The following ADCYAP1R1 variants were observed in gnomAD, a reference collection of about 807,000 sequenced individuals.
ADCYAP1R1 encodes the protein pituitary adenylate cyclase-activating polypeptide type I receptor.
In ADCYAP1R1, 44 loss-of-function variants were observed where a neutral mutation model predicts 67.6. That is an observed-to-expected ratio of 0.65 (90% CI 0.51 to 0.84). The LOEUF is 0.84. Among genes scored for constraint, ADCYAP1R1 ranks in the 40% least tolerant of loss-of-function variants. The pLI, the probability that ADCYAP1R1 is intolerant of heterozygous loss-of-function variation, is 0.00. For missense variants in ADCYAP1R1, 477 were observed against 587.9 expected, an observed-to-expected ratio of 0.81 and a Z score of 1.95; for synonymous variants, 222 against 219.6, an observed-to-expected ratio of 1.01 and a Z score of -0.10.
At chr7:31,074,955 C>T (rs1477858918) in intron 3 of ADCYAP1R1, among the ~76,000 whole-genome samples, 5 of 152,158 alleles carry the variant, frequency 3.3e-5, no homozygotes, top group Non-Finnish European at 5.9e-5. Flanking sequence ...CCAAAATAGC[C>T]GGGTGTGAAT....
rs537996718 is a variant in ADCYAP1R1, at chr7:31,078,234, G to A, written c.265+136G>A. 113 of 630,692 alleles carry A rather than the reference G, an allele frequency of 1.8e-4. 1 individual carries two copies. In the South Asian group the frequency reaches 2.3e-3, roughly 13 times the overall value. 39.1% of individuals were successfully genotyped at this position (630,692 alleles called of 1,614,324 possible). The stretch of plus-strand genomic sequence containing the variant: ...CTCCTGAGCTCACATGTGGTGTGGG[G>A]GATGAAACCACAGACACTTGCACAC... On this transcript the variant is annotated intron_variant, in intron 4 of 15. Transcript: ENST00000304166.
chr7:31,082,173 C>T (rs1002115674), intron 6 of ADCYAP1R1, among the ~76,000 whole-genome samples: 3 of 152,156 alleles, frequency 2.0e-5, no homozygotes, highest in Non-Finnish European at 2.9e-5. Context: ...GTGCTTGTCT[C>T]GCCAGTCTCC....
chr7:31,093,800 C>A (rs1373376326), intron 13 of ADCYAP1R1, among the ~76,000 whole-genome samples: 1 of 152,082 alleles, frequency 6.6e-6, no homozygotes. Context: ...ATGCTGGGGT[C>A]ACAGCATCTA....
In ADCYAP1R1 at chr7:31,085,380, G is replaced by A. The variant is rs374708368; in HGVS notation, c.607G>A (p.Val203Ile). The stretch of plus-strand genomic sequence containing the variant: ...GTCGTTCATGCTGAGGGCGATCTCC[G>A]TCTTCATCAAAGACTGGATTCTGTA... ...FVSFMLRAIS[V>I]FIKDWILYAE... is the part of the protein sequence containing the mutation. The change falls in exon 9 of 16, where the codon GTC (valine) becomes ATC (isoleucine). Residue 203 changes from valine (V) to isoleucine (I), a missense_variant. By Grantham distance (29) the Val-to-Ile change is conservative. Transcript: ENST00000304166. The A allele has an allele frequency of 9.3e-6, 15 of 1,613,934 alleles. No individual in the cohort carries two copies. Among genetic ancestry groups the A allele is most frequent in the East Asian group, 6.7e-5 (3 of 44,892 alleles).
Position 31,086,665 on chromosome 7 carries a change from C to CAGAAG in ADCYAP1R1, c.823+128_823+129insAGAAG. On this transcript the variant is annotated intron_variant, in intron 10 of 15. Coordinates refer to ENST00000304166, the MANE Select transcript of ADCYAP1R1 (RefSeq NM_001118.5). This position sits in a 1 kb window ranked among gnomAD's most constrained non-coding sequence, Gnocchi z 5.0. The stretch of plus-strand genomic sequence containing the variant: ...CACTGCCCTGCCCGAGTCTAATGGC[C>CAGAAG]TAGGCTCTGTCTTGGACTCTTTCTC... 1 of 1,155,338 alleles carries CAGAAG rather than the reference C, an allele frequency of 8.7e-7. No individual in the cohort carries two copies. The highest frequency in any genetic ancestry group is 1.2e-6 in the Non-Finnish European group (1 of 812,510). The allele number at this position is 1,155,338 out of a possible 1,614,324, so 71.6% of individuals were successfully genotyped here.
intron 3 of ADCYAP1R1, among the ~76,000 whole-genome samples, chr7:31,066,235 T>C (rs1794732186): frequency 6.6e-6 from 1 of 152,214 alleles, no homozygotes; most frequent in African/African-American, 2.4e-5. Context: ...GGAACCCAGG[T>C]GTCCTGCTCC....
intron 1 of ADCYAP1R1, among the ~76,000 whole-genome samples, chr7:31,057,454 T>A (rs769491120): frequency 2.0e-5 from 3 of 152,180 alleles, no homozygotes; most frequent in Admixed American, 2.0e-4. Context: ...CGGGCACAGG[T>A]GCCCCAGCCT....
At chr7:31,090,549 T>G (rs76546464) in intron 12 of ADCYAP1R1, among the ~76,000 whole-genome samples, 15,375 of 152,106 alleles carry the variant, frequency 0.1, 1,513 homozygotes, top group African/African-American at 0.26. Context: ...AACAGTTAGT[T>G]TTTCATCCCT....
chr7:31,055,182 A>C (rs1794187730), intron 1 of ADCYAP1R1, among the ~76,000 whole-genome samples: 1 of 152,174 alleles, frequency 6.6e-6, no homozygotes, highest in Non-Finnish European at 1.5e-5. Flanking sequence ...CAATAGTGAC[A>C]AGCAACACCA....
intron 7 of ADCYAP1R1, among the ~76,000 whole-genome samples, 162 bp from the exon 8 acceptor site, chr7:31,084,574 CA>C (rs1562644506): frequency 6.6e-6 from 1 of 152,124 alleles, no homozygotes; most frequent in Non-Finnish European, 1.5e-5. Flanking sequence ...GAGGCTTGGC[CA>C]GGGGTGGGAG....
chr7:31,102,563 C>T lies in ADCYAP1R1; in HGVS notation c.1047-674C>T, dbSNP rs1052615928. ...GCACTGCAGTCCTCCGGCCCTTCCT[C>T]CCCTGCCTGGCCCACTTCAGAGCAT... On this transcript the variant is annotated intron_variant, in intron 13 of 15. Coordinates refer to ENST00000304166, the MANE Select transcript of ADCYAP1R1 (RefSeq NM_001118.5). This position sits in a 1 kb window ranked among gnomAD's most constrained non-coding sequence, Gnocchi z 4.3. Among the ~76,000 whole-genome samples, 2 of 152,212 alleles carry T rather than the reference C, an allele frequency of 1.3e-5. No individual in the cohort carries two copies. Among genetic ancestry groups the T allele is most frequent in the Non-Finnish European group, 2.9e-5 (2 of 68,048 alleles).
intron 3 of ADCYAP1R1, among the ~76,000 whole-genome samples, chr7:31,071,317 T>C (rs1337851535): frequency 6.6e-6 from 1 of 152,190 alleles, no homozygotes; most frequent in African/African-American, 2.4e-5. Context: ...CTGGGCACTT[T>C]ATAAGGTCTT....
intron 3 of ADCYAP1R1, among the ~76,000 whole-genome samples, chr7:31,073,152 C>G (rs1562635700): frequency 6.6e-6 from 1 of 152,196 alleles, no homozygotes; most frequent in Non-Finnish European, 1.5e-5. Flanking sequence ...CTTACAGCAG[C>G]AGTAGGGAAT....
At position 31,085,405 on chromosome 7, in the gene ADCYAP1R1, A is replaced by G; in HGVS notation, c.632A>G (p.Tyr211Cys). The G allele has an allele frequency of 6.2e-7, 1 of 1,613,908 alleles. No homozygotes were observed. Among genetic ancestry groups the G allele is most frequent in the Non-Finnish European group, 8.5e-7 (1 of 1,180,012 alleles). The part of the protein sequence containing the change: ...ISVFIKDWIL[Y>C]AEQDSNHCFI... ...GTCTTCATCAAAGACTGGATTCTGT[A>G]TGCGGAGCAGGACAGCAACCACTGC... Residue 211 changes from tyrosine to cysteine, a missense_variant, in exon 9 of 16, where the codon TAT becomes TGT. Tyr to Cys is a radical substitution (Grantham distance 194). Transcript: ENST00000304166.
At chr7:31,085,942 C>T (rs1236085648) in intron 9 of ADCYAP1R1, among the ~76,000 whole-genome samples, 2 of 152,162 alleles carry the variant, frequency 1.3e-5, no homozygotes, top group Non-Finnish European at 2.9e-5. Flanking sequence ...AGGGCCTTGA[C>T]CAGGAGGACA....
intron 3 of ADCYAP1R1, among the ~76,000 whole-genome samples, chr7:31,071,332 G>C (rs1794969593): frequency 1.3e-5 from 2 of 152,180 alleles, no homozygotes; most frequent in Non-Finnish European, 2.9e-5. Flanking sequence ...GGTCTTAGGT[G>C]GAAGCAGCTA....
intron 1 of ADCYAP1R1, among the ~76,000 whole-genome samples, chr7:31,055,945 C>T (rs1794220960): frequency 6.6e-6 from 1 of 152,206 alleles, no homozygotes; most frequent in African/African-American, 2.4e-5. Context: ...ACTCTAAAGA[C>T]ACCTGGAGAC....
chr7:31,063,440 C>A, intron 2 of ADCYAP1R1, 125 bp downstream of exon 2: 1 of 992,226 alleles, frequency 1.0e-6, no homozygotes, highest in East Asian at 2.5e-5. Context: ...GCCAACACCA[C>A]CACTGGGCCA....
rs1398478778 is a variant in ADCYAP1R1 at position 31,078,048 on chromosome 7, T to C, written c.215T>C (p.Met72Thr). ...TGGAAGCCCGCCCATGTGGGTGAGA[T>C]GGTCCTGGTCAGCTGCCCTGAGCTC... Reference protein sequence around the residue: ...TCWKPAHVGEMVLVSCPELFR... With the variant: ...TCWKPAHVGETVLVSCPELFR... Residue 72 changes from methionine (M) to threonine (T), a missense_variant, in exon 4 of 16, where the codon ATG (methionine) becomes ACG (threonine). Coordinates refer to ENST00000304166, the MANE Select transcript of ADCYAP1R1 (RefSeq NM_001118.5). 2 of 1,613,290 alleles carry C rather than the reference T, an allele frequency of 1.2e-6. No homozygotes were observed. Among genetic ancestry groups the C allele is most frequent in the South Asian group, 1.1e-5 (1 of 91,006 alleles).
Sources: allele counts gnomAD v4.1 joint callset (sites outside exome capture counted in the v4.1 genomes callset), GRCh38; gene constraint gnomAD v4.1.1; non-coding constraint Gnocchi (gnomAD v3.1); transcripts MANE v1.5; gene names NCBI Gene and HGNC (gene_info 2026-07-23, HGNC 2026-07-21).